The following TRAPPC8 variants were observed in gnomAD, a reference collection of about 807,000 sequenced individuals.
TRAPPC8 encodes the protein trafficking protein particle complex subunit 8, also known as general sporulation gene 1 homolog.
In TRAPPC8, 54 loss-of-function variants were observed where a neutral mutation model predicts 174.3. That is an observed-to-expected ratio of 0.31 (90% CI 0.25 to 0.39). The LOEUF is 0.39. Ranked by LOEUF, TRAPPC8 falls within the 10% of genes least tolerant of loss-of-function variation. The pLI is 1.00. For missense variants in TRAPPC8, 1,531 were observed against 1,699.1 expected, an observed-to-expected ratio of 0.90 and a Z score of 1.74; for synonymous variants, 630 against 579.9, an observed-to-expected ratio of 1.09 and a Z score of -1.24.
rs765865772 is a variant in TRAPPC8 at position 31,864,794 on chromosome 18, A to G, written c.2591-13T>C. ...AAGGAATATTTTCCTGAAATAAAAA[A>G]CAATCAATGCCCTAAAATAATTTGG... On this transcript the variant is annotated splice_polypyrimidine_tract_variant and intron_variant, in intron 18 of 28. Transcript: ENST00000283351. The G allele has an allele frequency of 6.3e-7, 1 of 1,597,842 alleles. No individual in the cohort carries two copies. The highest frequency in any genetic ancestry group is 2.3e-5 in the East Asian group (1 of 44,338).
At chr18:31,916,487 C>A in intron 3 of TRAPPC8, 41 bp from the exon 4 acceptor site, 1 of 1,539,114 alleles carries the variant, frequency 6.5e-7, no homozygotes, top group South Asian at 1.3e-5. Context: ...GCTTATTACT[C>A]AATGATAAAT....
intron 6 of TRAPPC8, 96 bp from the exon 7 acceptor site, chr18:31,909,106 T>C (rs1347807799): frequency 1.9e-5 from 22 of 1,171,484 alleles, no homozygotes; most frequent in Non-Finnish European, 2.5e-5. Flanking sequence ...AAGCAGAATG[T>C]TAAAATCCTT....
At chr18:31,875,522 A>C (rs1004650560) in intron 12 of TRAPPC8, among the ~76,000 whole-genome samples, 15 of 152,186 alleles carry the variant, frequency 9.9e-5, no homozygotes, top group African/African-American at 3.1e-4. Flanking sequence ...ACAGCAGCAC[A>C]GTAAACACTG....
At chr18:31,893,394 TGTGTGTGTGC>T (rs1007381405) in intron 11 of TRAPPC8, among the ~76,000 whole-genome samples, 7 of 150,336 alleles carry the variant, frequency 4.7e-5, no homozygotes, top group African/African-American at 1.8e-4. Context: ...TGTGTGTGTG[TGTGTGTGTGC>T]GCGCGCGCGT....
chr18:31,831,078 C>T (rs529294013), intron 28 of TRAPPC8, 89 bp from the exon 29 acceptor site: 20 of 1,117,850 alleles, frequency 1.8e-5, no homozygotes, highest in African/African-American at 7.9e-5. Flanking sequence ...TTCAGCTGGG[C>T]GCGGTGGCTC....
At chr18:31,885,302 T>G (rs926753937) in intron 12 of TRAPPC8, among the ~76,000 whole-genome samples, 1 of 152,260 alleles carries the variant, frequency 6.6e-6, no homozygotes, top group South Asian at 2.1e-4. Context: ...ATCATGAAAA[T>G]AGCAGAGACA....
chr18:31,866,774 T>A, intron 18 of TRAPPC8, 75 bp downstream of exon 18: 1 of 1,518,970 alleles, frequency 6.6e-7, no homozygotes. Context: ...AGAAAATACA[T>A]CATTTTTGTC....
At chr18:31,942,545 C>T in intron 1 of TRAPPC8, 63 bp downstream of exon 1, 1 of 1,463,574 alleles carries the variant, frequency 6.8e-7, no homozygotes, top group African/African-American at 1.5e-5. Flanking sequence ...TGCCCGCCCG[C>T]AACTTCCTTC....
chr18:31,920,945 CA>C (rs71177808), intron 2 of TRAPPC8, among the ~76,000 whole-genome samples: 9,658 of 76,778 alleles, frequency 0.13, 277 homozygotes, highest in African/African-American at 0.21. Context: ...CACTCCGTCT[CA>C]AAAAAAAAAA....
intron 18 of TRAPPC8, among the ~76,000 whole-genome samples, chr18:31,865,704 C>T (rs1253393104): frequency 1.3e-5 from 2 of 151,464 alleles, no homozygotes; most frequent in African/African-American, 4.8e-5. Flanking sequence ...AGATTAAGAT[C>T]CTAGTTACAT....
intron 25 of TRAPPC8, among the ~76,000 whole-genome samples, chr18:31,847,128 C>G (rs2033451066): frequency 1.3e-5 from 2 of 152,168 alleles, no homozygotes; most frequent in South Asian, 4.1e-4. Flanking sequence ...ATAACACAAG[C>G]TGTTTTCTTT....
chr18:31,878,449 A>G (rs1416617562), intron 12 of TRAPPC8, among the ~76,000 whole-genome samples: 1 of 152,220 alleles, frequency 6.6e-6, no homozygotes, highest in African/African-American at 2.4e-5. Context: ...CTCAGACAAG[A>G]AAATGCTAAA....
At chr18:31,921,236 T>C (rs2037374276) in intron 2 of TRAPPC8, among the ~76,000 whole-genome samples, 1 of 151,986 alleles carries the variant, frequency 6.6e-6, no homozygotes, top group African/African-American at 2.4e-5. Context: ...ACAGAATAAA[T>C]CTACTACATT....
chr18:31,845,956 T>C (rs922045971), intron 26 of TRAPPC8, among the ~76,000 whole-genome samples: 1 of 152,166 alleles, frequency 6.6e-6, no homozygotes, highest in African/African-American at 2.4e-5. Context: ...TAAGAAAGCA[T>C]ACTCAATGCT....
chr18:31,931,423 C>T lies in TRAPPC8; in HGVS notation c.258G>A (p.Arg86=). 1 of 1,613,542 alleles carries T rather than the reference C, an allele frequency of 6.2e-7. No individual in the cohort carries two copies. ...VTQPPQPGAI[R]KLLNDVVSGS... ...CAGAAACAACATCATTCAAAAGCTT[C>T]CGGATGGCTCCAGGCTGAGGTGGCT... is the stretch of plus-strand genomic sequence containing the variant. The change falls in exon 2 of 29, where the codon CGG becomes CGA. Residue 86 remains arginine (R), a synonymous_variant. Transcript: ENST00000283351.
Position 31,859,192 on chromosome 18 carries a change from T to C in TRAPPC8, c.2746-1210A>G, listed in dbSNP as rs76520667. Among the ~76,000 whole-genome samples, 206 of 152,272 alleles carry C rather than the reference T, an allele frequency of 1.4e-3. 1 individual carries two copies. The highest frequency in any genetic ancestry group is 4.8e-3 in the African/African-American group (200 of 41,554). Reference sequence around the variant, plus strand: ...TAAAGGTAACAATATGAGTGAAATGTTCTAATAAAGTTATAGCTGGCAGTC... The same window carrying C: ...TAAAGGTAACAATATGAGTGAAATGCTCTAATAAAGTTATAGCTGGCAGTC... On this transcript the variant is annotated intron_variant, in intron 19 of 28. Coordinates refer to ENST00000283351, the MANE Select transcript of TRAPPC8 (RefSeq NM_014939.5).
At chr18:31,892,731 TAATAA>T (rs973239052) in intron 11 of TRAPPC8, among the ~76,000 whole-genome samples, 31 of 152,116 alleles carry the variant, frequency 2.0e-4, no homozygotes, top group Non-Finnish European at 3.7e-4. Flanking sequence ...AATTTTTAGC[TAATAA>T]AATAAAAATG....
chr18:31,917,428 C>T (rs2037195068), intron 3 of TRAPPC8, 150 bp downstream of exon 3: 2 of 658,242 alleles, frequency 3.0e-6, no homozygotes, highest in East Asian at 5.7e-5. Flanking sequence ...GGCCATTTAA[C>T]AAAATAACAA....
Position 31,858,103 on chromosome 18 carries a change from T to C in TRAPPC8, c.2746-121A>G, listed in dbSNP as rs923719274. On this transcript the variant is annotated intron_variant, in intron 19 of 28. Transcript: ENST00000283351. ...AGGTTTACAAGTGTTTCATTAATTC[T>C]TTGGTATCTCCCTGAATATGTGGCA... is the stretch of plus-strand genomic sequence containing the variant. The C allele has an allele frequency of 8.8e-6, 7 of 799,528 alleles. No homozygotes were observed. In the East Asian group the frequency reaches 1.3e-4, roughly 15 times the overall value. The allele number at this position is 799,528 out of a possible 1,614,324, so 49.5% of individuals were successfully genotyped here.
Sources: allele counts gnomAD v4.1 joint callset (sites outside exome capture counted in the v4.1 genomes callset), GRCh38; gene constraint gnomAD v4.1.1; transcripts MANE v1.5; gene names NCBI Gene and HGNC (gene_info 2026-07-23, HGNC 2026-07-21).